Variants in APLP2 observed in about 807,000 individuals in gnomAD.
APLP2 encodes amyloid beta precursor like protein 2, also known as CDEI box-binding protein.
A neutral mutation model predicts 89.9 loss-of-function variants in APLP2; 53 were observed. The ratio of observed to expected loss-of-function variants is 0.59; its 90% CI spans 0.47 to 0.74. The LOEUF (loss-of-function observed/expected upper bound fraction) is 0.74, where lower values mean the gene tolerates loss of function less well. APLP2 is among the 30% of genes least tolerant of loss of function. APLP2 has a pLI of 0.00. For synonymous variants in APLP2, 372 were observed against 348.6 expected (o/e 1.07, Z -0.75); for missense variants, 973 against 975.9 (o/e 1.00, Z 0.04).
chr11:130,127,134 A>G (rs967862062), intron 8 of APLP2, among the ~76,000 whole-genome samples: 8 of 148,070 alleles, frequency 5.4e-5, no homozygotes, highest in African/African-American at 1.5e-4. Context: ...ACTTTATATC[A>G]CTGTTATCAA....
intron 10 of APLP2, 134 bp from the exon 11 acceptor site, chr11:130,129,904 C>T (rs1291288125): frequency 9.8e-7 from 1 of 1,019,426 alleles, no homozygotes; most frequent in Non-Finnish European, 1.4e-6. Context: ...GCTAAAAAAG[C>T]CTTCCAGTTA....
At chr11:130,080,932 A>G (rs1233219964) in intron 1 of APLP2, among the ~76,000 whole-genome samples, 1 of 151,312 alleles carries the variant, frequency 6.6e-6, no homozygotes, top group Non-Finnish European at 1.5e-5. Flanking sequence ...CTCCTGATCC[A>G]CCTGCCTCGG....
At chr11:130,127,683 G>A (rs951529809) in intron 8 of APLP2, 83 bp from the exon 9 acceptor site, 2 of 1,116,556 alleles carry the variant, frequency 1.8e-6, no homozygotes, top group African/African-American at 1.5e-5. Context: ...GTGAGATTTA[G>A]CATCTGACAG....
chr11:130,117,838 C>T (rs541794364), intron 3 of APLP2, among the ~76,000 whole-genome samples: 42 of 152,118 alleles, frequency 2.8e-4, no homozygotes, highest in Admixed American at 2.2e-3. Context: ...TTGGGGAGGC[C>T]GAGGCCGGGG....
intron 3 of APLP2, among the ~76,000 whole-genome samples, chr11:130,115,141 C>T (rs2135866332): frequency 6.6e-6 from 1 of 152,250 alleles, no homozygotes; most frequent in East Asian, 1.9e-4. Context: ...CAGCTTTTAC[C>T]AGCTCCCTAA....
chr11:130,091,730 C>G (rs1456540228), intron 1 of APLP2, among the ~76,000 whole-genome samples: 32 of 146,400 alleles, frequency 2.2e-4, no homozygotes, highest in African/African-American at 6.5e-4. Flanking sequence ...CTGACCCCCC[C>G]ACCTCCCTCC....
intron 7 of APLP2, among the ~76,000 whole-genome samples, chr11:130,126,006 T>G (rs1490470352): frequency 6.6e-6 from 1 of 152,192 alleles, no homozygotes; most frequent in Non-Finnish European, 1.5e-5. Context: ...TTGGTCAGTG[T>G]CATGGATCAA....
intron 1 of APLP2, among the ~76,000 whole-genome samples, chr11:130,078,068 A>G: frequency 6.6e-6 from 1 of 152,196 alleles, no homozygotes; most frequent in Admixed American, 6.5e-5. Flanking sequence ...GCTCAGGAGT[A>G]ACTGCTCCTC....
At chr11:130,111,115 A>G (rs1414549488) in intron 3 of APLP2, among the ~76,000 whole-genome samples, 3 of 152,112 alleles carry the variant, frequency 2.0e-5, no homozygotes, top group Non-Finnish European at 4.4e-5. Flanking sequence ...TGGACAGTCA[A>G]GGGTACCGGG....
chr11:130,117,303 C>T (rs572879363), intron 3 of APLP2, among the ~76,000 whole-genome samples: 18 of 152,158 alleles, frequency 1.2e-4, no homozygotes, highest in Middle Eastern at 3.4e-3. Context: ...TTGGCATTTC[C>T]GAAAAGGTTT....
Position 130,140,424 on chromosome 11 carries a change from G to A in APLP2, c.1864G>A (p.Gly622Arg). 2 of 1,611,192 alleles carry A rather than the reference G, an allele frequency of 1.2e-6. No individual in the cohort carries two copies. Among genetic ancestry groups the A allele is most frequent in the Non-Finnish European group, 1.7e-6 (2 of 1,178,872 alleles). Residue 622 changes from glycine (G) to arginine (R), a missense_variant, in exon 14 of 17, where the codon GGA becomes AGA. Physicochemically the swap from Gly to Arg is moderately radical, Grantham distance 125 (BLOSUM62 -2). Coordinates refer to ENST00000338167, the MANE Select transcript of APLP2 (RefSeq NM_001142276.2). ...EGSGVGEQDGGLIGAEEKVIN... is the reference protein window; with the variant it reads ...EGSGVGEQDGRLIGAEEKVIN... ...ATCTGGAGTGGGAGAGCAGGATGGG[G>A]GACTGATCGGTGCCGAAGAGAAAGT...
intron 12 of APLP2, 78 bp downstream of exon 12, chr11:130,133,806 A>G: frequency 7.1e-6 from 8 of 1,126,146 alleles, no homozygotes; most frequent in Non-Finnish European, 1.1e-5. Context: ...GCAAGAGTAG[A>G]GAGAGATGAG....
At chr11:130,078,433 C>A (rs1942517000) in intron 1 of APLP2, among the ~76,000 whole-genome samples, 1 of 151,928 alleles carries the variant, frequency 6.6e-6, no homozygotes, top group African/African-American at 2.4e-5. Flanking sequence ...TTAGTGATGT[C>A]TTTTGAAGAA....
intron 1 of APLP2, among the ~76,000 whole-genome samples, chr11:130,104,366 G>GC (rs955289744): frequency 1.3e-5 from 2 of 151,506 alleles, no homozygotes; most frequent in Non-Finnish European, 2.9e-5. Context: ...CCATAGGCAC[G>GC]CGCCCCCATG....
At position 130,073,701 on chromosome 11, in the gene APLP2, C is replaced by T. The variant is rs536664626; in HGVS notation, c.105+3619C>T. Among the ~76,000 whole-genome samples the T allele has an allele frequency of 5.7e-4, 86 of 152,076 alleles. 1 individual carries two copies. Among genetic ancestry groups the T allele is most frequent in the South Asian group, 5.4e-3 (26 of 4,820 alleles). On this transcript the variant is annotated intron_variant, in intron 1 of 16. Transcript: ENST00000338167. The stretch of plus-strand genomic sequence containing the variant: ...ACTAAAAATACAAAAATTAGCTGGG[C>T]GAGATGGCGTGCGCCTGTAATCCCA...
At chr11:130,108,896 G>GTAGGGACCTGGATGATGC (rs1948162440) in intron 1 of APLP2, 1 of 152,330 alleles carries the variant, frequency 6.6e-6, no homozygotes, top group African/African-American at 2.4e-5. Context: ...CATGTCCTTT[G>GTAGGGACCTGGATGATGC]TAGGGACCTG....
chr11:130,096,030 T>G (rs905022248), intron 1 of APLP2, among the ~76,000 whole-genome samples: 4 of 152,164 alleles, frequency 2.6e-5, no homozygotes, highest in African/African-American at 9.7e-5. Flanking sequence ...TTGAGAGAGA[T>G]AAAACCTGGA....
At chr11:130,080,370 A>C (rs1416561162) in intron 1 of APLP2, among the ~76,000 whole-genome samples, 5 of 151,806 alleles carry the variant, frequency 3.3e-5, no homozygotes, top group Admixed American at 2.6e-4. Flanking sequence ...ATGCCTGGCT[A>C]ATTTTTGTAT....
chr11:130,133,163 C>T (rs935416034), intron 11 of APLP2, among the ~76,000 whole-genome samples: 1 of 150,514 alleles, frequency 6.6e-6, no homozygotes, highest in African/African-American at 2.4e-5. Context: ...TGCTCTGTTG[C>T]CTAGGTTGGA....
Sources: allele counts gnomAD v4.1 joint callset (sites outside exome capture counted in the v4.1 genomes callset), GRCh38; gene constraint gnomAD v4.1.1; transcripts MANE v1.5; gene names NCBI Gene and HGNC (gene_info 2026-07-23, HGNC 2026-07-21).